IGF1R: variants seen among roughly 807,000 people sequenced by gnomAD.
IGF1R encodes the protein insulin-like growth factor 1 receptor.
In IGF1R, 44 loss-of-function variants were observed where a neutral mutation model predicts 144.6. That is an observed-to-expected ratio of 0.30 (90% confidence interval 0.24 to 0.39). The LOEUF is 0.39. Ranked by LOEUF, IGF1R falls within the 10% of genes least tolerant of loss-of-function variation. IGF1R has a pLI of 1.00. For missense variants in IGF1R, 1,355 were observed against 1,833.7 expected, an observed-to-expected ratio of 0.74 and a Z score of 4.77; for synonymous variants, 795 against 722.8, an observed-to-expected ratio of 1.10 and a Z score of -1.60.
chr15:98,782,289 G>A (rs1233736162), intron 2 of IGF1R, among the ~76,000 whole-genome samples: 2 of 152,084 alleles, frequency 1.3e-5, no homozygotes, highest in South Asian at 2.1e-4. Context: ...TTACCATGTT[G>A]AATTAAGTGG....
intron 2 of IGF1R, among the ~76,000 whole-genome samples, chr15:98,736,067 T>C (rs2054601640): frequency 6.6e-6 from 1 of 152,258 alleles, no homozygotes; most frequent in South Asian, 2.1e-4. Context: ...ATTTCATTGA[T>C]GTATCATTTT....
intron 1 of IGF1R, among the ~76,000 whole-genome samples, chr15:98,672,125 A>C (rs1001345696): frequency 6.6e-6 from 1 of 152,176 alleles, no homozygotes; most frequent in African/African-American, 2.4e-5. Flanking sequence ...TTTTTAAAGG[A>C]CATATTTGGG....
intron 20 of IGF1R, chr15:98,954,014 C>T (rs567314737): frequency 6.6e-6 from 1 of 152,366 alleles, no homozygotes; most frequent in African/African-American, 2.4e-5. Flanking sequence ...GAGGGAGAGA[C>T]ACATTCAGCC....
At chr15:98,929,240 A>G (rs911100161) in intron 13 of IGF1R, among the ~76,000 whole-genome samples, 4 of 152,062 alleles carry the variant, frequency 2.6e-5, no homozygotes, top group Non-Finnish European at 5.9e-5. Flanking sequence ...AAATGTATGC[A>G]TTTTCACTAA....
At chr15:98,956,438 T>A (rs1006904588) in intron 20 of IGF1R, among the ~76,000 whole-genome samples, 1 of 152,232 alleles carries the variant, frequency 6.6e-6, no homozygotes, top group Non-Finnish European at 1.5e-5. Flanking sequence ...TGTGCAGGGC[T>A]GGAGCGAGCA....
chr15:98,947,565 T>C (rs1416606179), intron 19 of IGF1R, among the ~76,000 whole-genome samples: 1 of 152,182 alleles, frequency 6.6e-6, no homozygotes, highest in African/African-American at 2.4e-5. Flanking sequence ...GGAGAATTTG[T>C]GAATTACGGA....
intron 2 of IGF1R, among the ~76,000 whole-genome samples, chr15:98,759,456 T>C (rs2055239677): frequency 6.6e-6 from 1 of 152,238 alleles, no homozygotes; most frequent in Admixed American, 6.5e-5. Context: ...TGGTCCGACA[T>C]TGAAGTACCT....
intron 2 of IGF1R, among the ~76,000 whole-genome samples, chr15:98,739,743 C>T (rs1233341453): frequency 2.0e-5 from 3 of 152,178 alleles, no homozygotes; most frequent in Non-Finnish European, 1.5e-5. Context: ...AGGTGCACGC[C>T]ACCACATGTG....
chr15:98,804,067 T>C (rs1378350185), intron 2 of IGF1R, among the ~76,000 whole-genome samples: 2 of 152,196 alleles, frequency 1.3e-5, no homozygotes, highest in Non-Finnish European at 2.9e-5. Context: ...CTATATTCTA[T>C]CCTTACAGGA....
In IGF1R at chr15:98,957,796, A is replaced by G; in HGVS notation, c.*354A>G. The G allele has an allele frequency of 5.7e-6, 2 of 348,486 alleles. No homozygotes were observed. Among genetic ancestry groups the G allele is most frequent in the African/African-American group, 2.1e-5 (1 of 48,664 alleles). The allele number at this position is 348,486 out of a possible 1,614,324, so 21.6% of individuals were successfully genotyped here. ...CTCTCTCCTCTCTGCTTCATAACGG[A>G]AAAATAATTGCCACAAGTCCAGCTG... is the stretch of plus-strand genomic sequence containing the variant. On this transcript the variant is annotated 3_prime_UTR_variant, in exon 21 of 21. Transcript: ENST00000650285.
chr15:98,654,042 C>A (rs137891334), intron 1 of IGF1R, among the ~76,000 whole-genome samples: 1 of 152,300 alleles, frequency 6.6e-6, no homozygotes, highest in East Asian at 1.9e-4. Flanking sequence ...TCTTGAAATT[C>A]AGATTTTTTT....
intron 20 of IGF1R, among the ~76,000 whole-genome samples, chr15:98,954,923 G>T (rs563845690): frequency 1.3e-5 from 2 of 152,236 alleles, no homozygotes; most frequent in Admixed American, 6.5e-5. Context: ...GGTGAGGGAG[G>T]GTCTCCTGGT....
intron 13 of IGF1R, among the ~76,000 whole-genome samples, chr15:98,925,307 C>G (rs1242807649): frequency 6.6e-6 from 1 of 152,192 alleles, no homozygotes; most frequent in African/African-American, 2.4e-5. Context: ...TTAGGCTGTT[C>G]TGTGTGATGA....
rs1250863347 is a variant in IGF1R at position 98,648,560 on chromosome 15, C to T, written c.-1022C>T. Among the ~76,000 whole-genome samples the T allele has an allele frequency of 9.0e-5, 13 of 144,634 alleles. No homozygotes were observed. Among genetic ancestry groups the T allele is most frequent in the Non-Finnish European group, 2.0e-4 (13 of 65,438 alleles). 94.9% of individuals were successfully genotyped at this position (144,634 alleles called of 152,430 possible). A position where few individuals can be genotyped will look rare whatever the true frequency, so the allele number is the denominator to read the frequency against. ...CCCCAGTGTGTGGCAGCGGCGGCGGCGGCGCGGCGAGGCTGGGGCTCTTGT... is the reference window on the plus strand; with the variant it reads ...CCCCAGTGTGTGGCAGCGGCGGCGGTGGCGCGGCGAGGCTGGGGCTCTTGT... On this transcript the variant is annotated 5_prime_UTR_variant, in exon 1 of 21. Coordinates refer to ENST00000650285, the MANE Select transcript of IGF1R (RefSeq NM_000875.5).
At chr15:98,717,427 C>G (rs540960037) in intron 2 of IGF1R, among the ~76,000 whole-genome samples, 62 of 152,170 alleles carry the variant, frequency 4.1e-4, no homozygotes, top group South Asian at 3.5e-3. Flanking sequence ...ATGTTCACTA[C>G]CATAACTAAA....
intron 2 of IGF1R, among the ~76,000 whole-genome samples, chr15:98,815,664 G>A (rs2056681709): frequency 6.6e-6 from 1 of 152,200 alleles, no homozygotes. Context: ...GCGTAGGATA[G>A]GGTCCATCTG....
In IGF1R at chr15:98,891,279, G is replaced by T. The variant is rs373449625; in HGVS notation, c.641-46G>T. On this transcript the variant is annotated intron_variant, in intron 2 of 20. Coordinates refer to ENST00000650285, the MANE Select transcript of IGF1R (RefSeq NM_000875.5). The surrounding 1 kb of genome is among the most constrained non-coding windows in gnomAD (Gnocchi z 4.7). ...GCTGGCCAGGCCCAGAGAAGGCGGT[G>T]CCTCCCCTGCCCGGTCTCATCTCCG... 6.3e-6 allele frequency: 10 copies of T among 1,580,888 alleles called. No homozygotes were observed. The African/African-American group carries it at 1.2e-4, about 19-fold the overall frequency.
At chr15:98,836,109 G>A (rs760125338) in intron 2 of IGF1R, among the ~76,000 whole-genome samples, 14 of 152,054 alleles carry the variant, frequency 9.2e-5, no homozygotes, top group Non-Finnish European at 1.8e-4. Context: ...AGGAAAATCC[G>A]CAGAGCTAGA....
In IGF1R at chr15:98,964,177, A is replaced by G. The variant is rs1038590477; in HGVS notation, c.*6735A>G. 3 of 232,956 alleles carry G rather than the reference A, an allele frequency of 1.3e-5. No individual in the cohort carries two copies. The highest frequency in any genetic ancestry group is 5.6e-5 in the Admixed American group (1 of 17,748). The allele number at this position is 232,956 out of a possible 1,614,324, so 14.4% of individuals were successfully genotyped here. On this transcript the variant is annotated 3_prime_UTR_variant, in exon 21 of 21. Transcript: ENST00000650285. ...GCGGGATGGAATGGATGCACCGCAA[A>G]TAATGCATTTTCTGAGTTTTCTTGT... is the stretch of plus-strand genomic sequence containing the variant.
Sources: allele counts gnomAD v4.1 joint callset (sites outside exome capture counted in the v4.1 genomes callset), GRCh38; gene constraint gnomAD v4.1.1; non-coding constraint Gnocchi (gnomAD v3.1); transcripts MANE v1.5; gene names NCBI Gene and HGNC (gene_info 2026-07-23, HGNC 2026-07-21).